EIF4B: variants seen among roughly 807,000 people sequenced by gnomAD.
The protein encoded by EIF4B is eukaryotic translation initiation factor 4B.
A neutral mutation model predicts 79.3 loss-of-function variants in EIF4B; 8 were observed. The observed-to-expected ratio is 0.10, with a 90% CI of 0.06 to 0.18. The LOEUF (loss-of-function observed/expected upper bound fraction) is 0.18. Among genes scored for constraint, EIF4B ranks in the 10% least tolerant of loss-of-function variants. The pLI, the probability that EIF4B is intolerant of heterozygous loss-of-function variation, is 1.00. For missense variants in EIF4B, 515 were observed against 792.4 expected (o/e 0.65, Z 4.20); for synonymous variants, 238 against 274.7 (o/e 0.87, Z 1.32).
In EIF4B at chr12:53,023,953, GA is replaced by G. The variant is rs1472880482; in HGVS notation, c.667+1327del. ...TACTCAAGATATAGCAGTGAACAAA[GA>G]TACAGCAGTGTAATTTTTTTCTAAT... On this transcript the variant is annotated intron_variant, in intron 6 of 14. Coordinates refer to ENST00000262056, the MANE Select transcript of EIF4B (RefSeq NM_001417.7). 3.9e-5 allele frequency among the ~76,000 whole-genome samples: 6 copies of G among 152,132 alleles called. No homozygotes were observed. The South Asian group carries it at 1.2e-3, about 32-fold the overall frequency.
chr12:53,019,463 T>C (rs867930471), intron 3 of EIF4B, among the ~76,000 whole-genome samples: 1 of 124,832 alleles, frequency 8.0e-6, no homozygotes, highest in East Asian at 2.2e-4. Flanking sequence ...TTTTTTTTTT[T>C]TTTTTTTTTT....
chr12:53,033,827 T>C lies in EIF4B; in HGVS notation c.1001T>C (p.Leu334Pro). ...DDRGPPQRPK[L>P]NLKPRSTPKE... ...TTAGGTCCCCCCCAAAGACCCAAACTGAATCTAAAGCCTCGGAGTACTCCT... is the reference window on the plus strand; with the variant it reads ...TTAGGTCCCCCCCAAAGACCCAAACCGAATCTAAAGCCTCGGAGTACTCCT... Residue 334 changes from leucine to proline, a missense_variant, in exon 9 of 15, where the codon CTG becomes CCG. By Grantham distance (98) the Leu-to-Pro change is moderately conservative. Coordinates refer to ENST00000262056, the MANE Select transcript of EIF4B (RefSeq NM_001417.7). 6.2e-7 allele frequency: 1 copy of C among 1,603,008 alleles called. No homozygotes were observed. Among genetic ancestry groups the C allele is most frequent in the Non-Finnish European group, 8.5e-7 (1 of 1,174,594 alleles).
At chr12:53,016,874 G>A (rs1204674536) in intron 2 of EIF4B, among the ~76,000 whole-genome samples, 1 of 152,010 alleles carries the variant, frequency 6.6e-6, no homozygotes, top group Non-Finnish European at 1.5e-5. Flanking sequence ...ATTCTTTTGG[G>A]CCTCATTTTC....
At chr12:53,018,208 C>G (rs1462591356) in intron 2 of EIF4B, among the ~76,000 whole-genome samples, 1 of 152,194 alleles carries the variant, frequency 6.6e-6, no homozygotes, top group Non-Finnish European at 1.5e-5. Flanking sequence ...TCAGGCTGGT[C>G]TCAAACCTGA....
At chr12:53,028,720 T>G (rs901475386) in intron 8 of EIF4B, among the ~76,000 whole-genome samples, 2 of 152,108 alleles carry the variant, frequency 1.3e-5, no homozygotes, top group African/African-American at 4.8e-5. Context: ...TGTTGTGATC[T>G]CAGTAAATTA....
At chr12:53,022,103 A>G (rs1943254981) in intron 5 of EIF4B, among the ~76,000 whole-genome samples, 1 of 152,254 alleles carries the variant, frequency 6.6e-6, no homozygotes, top group Admixed American at 6.5e-5. Flanking sequence ...GGAATAGGAC[A>G]GTCCCCATCA....
At chr12:53,006,717 T>G (rs1174480380) in intron 1 of EIF4B, among the ~76,000 whole-genome samples, 3 of 151,768 alleles carry the variant, frequency 2.0e-5, no homozygotes, top group Non-Finnish European at 4.4e-5. Context: ...TTTCACCCTT[T>G]CTGCGCGAGA....
chr12:53,022,425 A>G (rs531495088), intron 5 of EIF4B, 68 bp from the exon 6 acceptor site: 51 of 1,597,282 alleles, frequency 3.2e-5, no homozygotes, highest in Non-Finnish European at 4.0e-5. Context: ...GGGGTTTTCT[A>G]TGTGTGAGAA....
chr12:53,021,778 G>A (rs1943250484), intron 4 of EIF4B, 28 bp from the exon 5 acceptor site: 1 of 1,614,170 alleles, frequency 6.2e-7, no homozygotes, highest in Non-Finnish European at 8.5e-7. Flanking sequence ...GGGGCAAAAG[G>A]TTGGTTAATA....
At position 53,037,573 on chromosome 12, in the gene EIF4B, C is replaced by T. The variant is rs774387322; in HGVS notation, c.1471C>T (p.Pro491Ser). The T allele has an allele frequency of 5.6e-6, 9 of 1,613,960 alleles. No homozygotes were observed. Among genetic ancestry groups the T allele is most frequent in the Non-Finnish European group, 7.6e-6 (9 of 1,179,868 alleles). The change falls in exon 11 of 15, where the codon CCT becomes TCT. Residue 491 changes from proline to serine, a missense_variant. Coordinates refer to ENST00000262056, the MANE Select transcript of EIF4B (RefSeq NM_001417.7). Reference sequence around the variant, plus strand: ...TGCTTGGGTGAAGCGAAGTTCTAACCCTCCTGCTCGATCTCAGAGCTCAGA... The same window carrying T: ...TGCTTGGGTGAAGCGAAGTTCTAACTCTCCTGCTCGATCTCAGAGCTCAGA... Reference protein sequence around the residue: ...ENAWVKRSSNPPARSQSSDTE... With the variant: ...ENAWVKRSSNSPARSQSSDTE...
chr12:53,019,441 T>TTTTTTG (rs750718704), intron 3 of EIF4B, among the ~76,000 whole-genome samples: 1 of 108,376 alleles, frequency 9.2e-6, no homozygotes, highest in Non-Finnish European at 1.8e-5. Context: ...ATATATATTT[T>TTTTTTG]TTTTTTTTCT....
chr12:53,016,594 T>A lies in EIF4B; in HGVS notation c.135T>A (p.Asp45Glu). The change falls in exon 2 of 15, where the codon GAT becomes GAA. Residue 45 changes from aspartate to glutamate, a missense_variant. Physicochemically the swap from Asp to Glu is conservative, Grantham distance 45. Transcript: ENST00000262056. ...CAGTCAGCTGGGCTGATGAAACGGA[T>A]GACCTGGAAGGAGATGGTAACTTTT... The part of the protein sequence containing the change: ...SKPVSWADET[D>E]DLEGDVSTTW... 6.3e-7 allele frequency: 1 copy of A among 1,598,606 alleles called. No individual in the cohort carries two copies. The highest frequency in any genetic ancestry group is 1.1e-5 in the South Asian group (1 of 88,200).
At chr12:53,039,925 C>T (rs1356993) in intron 14 of EIF4B, 1 of 726,058 alleles carries the variant, frequency 1.4e-6, no homozygotes, top group African/African-American at 1.8e-5. Flanking sequence ...GTTCTCATCC[C>T]TTCTGCAAGG....
Position 53,020,170 on chromosome 12 carries a change from A to T in EIF4B, c.477+144A>T. On this transcript the variant is annotated intron_variant, in intron 4 of 14. Coordinates refer to ENST00000262056, the MANE Select transcript of EIF4B (RefSeq NM_001417.7). ...AAAGGCCTGCATTATTTAACAGTGT[A>T]TCACTTAACATCGAACATCTAGCAA... The T allele has an allele frequency of 1.8e-5, 11 of 612,880 alleles. No individual in the cohort carries two copies. In the South Asian group the frequency reaches 2.4e-4, roughly 14 times the overall value. 38.0% of individuals were successfully genotyped at this position (612,880 alleles called of 1,614,324 possible).
chr12:53,010,146 G>T (rs1241590206), intron 1 of EIF4B, among the ~76,000 whole-genome samples: 2 of 152,174 alleles, frequency 1.3e-5, no homozygotes, highest in African/African-American at 4.8e-5. Flanking sequence ...TATTTTGTTT[G>T]ATTATGTATA....
chr12:53,014,876 C>G (rs948250984), intron 1 of EIF4B: 2 of 152,156 alleles, frequency 1.3e-5, no homozygotes, highest in Non-Finnish European at 2.9e-5. Context: ...CAGGCCAGTT[C>G]TGGAACTTCA....
rs546095733 is a variant in EIF4B, at chr12:53,034,462, G to C, written c.1209-150G>C. The C allele has an allele frequency of 5.7e-5, 43 of 758,632 alleles. No homozygotes were observed. In the African/African-American group the frequency reaches 7.2e-4, roughly 13 times the overall value. 47.0% of individuals were successfully genotyped at this position (758,632 alleles called of 1,614,324 possible). On this transcript the variant is annotated intron_variant, in intron 9 of 14. Transcript: ENST00000262056. The stretch of plus-strand genomic sequence containing the variant: ...AGGGCCAAAGTGTGTCTTAATGTCT[G>C]TAGCTTTCAAATAGTTTGAGGGAAA...
chr12:53,009,019 A>T (rs1943017468), intron 1 of EIF4B, among the ~76,000 whole-genome samples: 1 of 152,136 alleles, frequency 6.6e-6, no homozygotes, highest in Non-Finnish European at 1.5e-5. Context: ...TGGGCAAAAG[A>T]GCAAGACTCC....
chr12:53,014,734 T>C (rs1332168054), intron 1 of EIF4B: 1 of 152,204 alleles, frequency 6.6e-6, no homozygotes, highest in Non-Finnish European at 1.5e-5. Context: ...ACATCAAGTT[T>C]GATATTCTTG....
Sources: gnomAD v4.1 joint callset for allele counts (sites outside exome capture counted in the v4.1 genomes callset) on GRCh38, gnomAD v4.1.1 for gene constraint, MANE v1.5 for transcripts, NCBI Gene and HGNC (gene_info 2026-07-23, HGNC 2026-07-21) for gene names.